The following DYNC2I2 variants were observed in gnomAD, a reference collection of about 807,000 sequenced individuals.
DYNC2I2 encodes the protein cytoplasmic dynein 2 intermediate chain 2.
A neutral mutation model predicts 52.0 loss-of-function variants in DYNC2I2; 39 were observed. That is an observed-to-expected ratio of 0.75 (90% CI 0.58 to 0.98). The LOEUF is 0.98. Ranked by LOEUF, DYNC2I2 falls within the 50% of genes least tolerant of loss-of-function variation. The pLI, the probability that DYNC2I2 is intolerant of heterozygous loss-of-function variation, is 0.00. For missense variants in DYNC2I2, 743 were observed against 728.4 expected (o/e 1.02, Z -0.23); for synonymous variants, 359 against 321.1 (o/e 1.12, Z -1.26).
At chr9:128,682,305 C>T in the DYNC2I2 span, among the ~76,000 whole-genome samples, 1 of 151,954 alleles carries the variant, frequency 6.6e-6, no homozygotes, top group African/African-American at 2.4e-5. Flanking sequence ...GCATCAGCCT[C>T]CCAAAGTGCT....
chr9:128,649,173 T>C (rs1301404158), intron 1 of DYNC2I2, among the ~76,000 whole-genome samples: 1 of 152,122 alleles, frequency 6.6e-6, no homozygotes, highest in South Asian at 2.1e-4. Context: ...GGGCCAGAGA[T>C]GGTGGTTCAC....
At position 128,634,568 on chromosome 9, in the gene DYNC2I2, CGGGTCTCAGAGT is replaced by C. The variant is rs559309409; in HGVS notation, c.1214+109_1214+120del. 4.8e-4 allele frequency: 623 copies of C among 1,295,730 alleles called. 4 individuals are homozygous for C. In the East Asian group the frequency reaches 9.9e-3, roughly 21 times the overall value. The allele number at this position is 1,295,730 out of a possible 1,614,324, so 80.3% of individuals were successfully genotyped here. ...GGGCCAACCACCAAAGACCTGAACA[CGGGTCTCAGAGT>C]GGGCAGAAGGCAAGCACTTGAAGCA... is the stretch of plus-strand genomic sequence containing the variant. On this transcript the variant is annotated intron_variant, in intron 7 of 8. Coordinates refer to ENST00000372715, the MANE Select transcript of DYNC2I2 (RefSeq NM_052844.4).
At chr9:128,674,433 C>T in the DYNC2I2 span, among the ~76,000 whole-genome samples, 8 of 151,226 alleles carry the variant, frequency 5.3e-5, no homozygotes, top group Non-Finnish European at 1.0e-4. Flanking sequence ...CATGCCTGGC[C>T]GTCTCTAGCT....
At chr9:128,662,593 T>A in the DYNC2I2 span, among the ~76,000 whole-genome samples, 8 of 151,402 alleles carry the variant, frequency 5.3e-5, no homozygotes, top group Non-Finnish European at 1.2e-4. Context: ...TTATTTATTT[T>A]TTTGCAGGCA....
intron 1 of DYNC2I2, among the ~76,000 whole-genome samples, chr9:128,654,522 C>G (rs943782361): frequency 2.6e-5 from 4 of 151,996 alleles, no homozygotes; most frequent in Non-Finnish European, 4.4e-5. Context: ...CCTGCCTCCT[C>G]AAACAGACAG....
At chr9:128,682,672 C>CTTTT in the DYNC2I2 span, among the ~76,000 whole-genome samples, 13 of 120,630 alleles carry the variant, frequency 1.1e-4, 1 homozygote, top group African/African-American at 2.1e-4. Context: ...GGGACCTTGT[C>CTTTT]TTTTTTTTTT....
the DYNC2I2 span, chr9:128,663,704 A>AATGCAGT: frequency 7.1e-6 from 1 of 140,500 alleles, no homozygotes; most frequent in East Asian, 2.1e-4. Flanking sequence ...CCCAAGCTGG[A>AATGCAGT]ATGCAGTGGC....
upstream of DYNC2I2, among the ~76,000 whole-genome samples, chr9:128,657,580 A>G (rs1169792184): frequency 2.0e-5 from 3 of 152,144 alleles, no homozygotes; most frequent in Admixed American, 2.0e-4. Flanking sequence ...AGGCAGGAGG[A>G]TCGCTTGAAG....
At chr9:128,667,673 GATTCTCCTGCCTCAGCTTCAC>G in the DYNC2I2 span, among the ~76,000 whole-genome samples, 2 of 151,656 alleles carry the variant, frequency 1.3e-5, no homozygotes, top group Non-Finnish European at 2.9e-5. Context: ...TGGTTCAAGT[GATTCTCCTGCCTCAGCTTCAC>G]GAGTTGCTGG....
chr9:128,635,371 C>T, intron 5 of DYNC2I2, 112 bp from the exon 6 acceptor site: 1 of 1,353,446 alleles, frequency 7.4e-7, no homozygotes, highest in Non-Finnish European at 9.9e-7. Context: ...CTCCGGGAGG[C>T]CCCAGAACCA....
intron 1 of DYNC2I2, chr9:128,652,039 C>G (rs1860725095): frequency 6.6e-6 from 1 of 152,542 alleles, no homozygotes; most frequent in Non-Finnish European, 1.5e-5. Context: ...CCAGGTGACC[C>G]GAAGTACTGA....
At chr9:128,645,454 A>C (rs919827287) in intron 1 of DYNC2I2, among the ~76,000 whole-genome samples, 2 of 150,318 alleles carry the variant, frequency 1.3e-5, no homozygotes, top group Admixed American at 6.7e-5. Context: ...TCTGTCTCAA[A>C]AAAAAAAAAA....
At chr9:128,653,387 G>T (rs1375762374) in intron 1 of DYNC2I2, among the ~76,000 whole-genome samples, 1 of 150,332 alleles carries the variant, frequency 6.7e-6, no homozygotes, top group African/African-American at 2.5e-5. Flanking sequence ...AAACCAACCT[G>T]GCCAATATGG....
At chr9:128,656,408 A>T (rs1337450273) in intron 1 of DYNC2I2, 133 bp downstream of exon 1, 2 of 640,632 alleles carry the variant, frequency 3.1e-6, no homozygotes, top group African/African-American at 3.1e-5. Context: ...GGACGCCCGA[A>T]CCCGCCCGGC....
rs766298337 is a variant in DYNC2I2, at chr9:128,636,873, T to A, written c.545+45A>T. 53 of 1,467,012 alleles carry A rather than the reference T, an allele frequency of 3.6e-5. 1 individual carries two copies. The highest frequency in any genetic ancestry group is 3.3e-4 in the African/African-American group (24 of 72,014). The allele number at this position is 1,467,012 out of a possible 1,614,324, so 90.9% of individuals were successfully genotyped here. On this transcript the variant is annotated intron_variant, in intron 3 of 8. Coordinates refer to ENST00000372715, the MANE Select transcript of DYNC2I2 (RefSeq NM_052844.4). ...CTACAGAGACAAGGCCCAAGGAGGG[T>A]CCTGGGGTGGCGAGCTGCCCCTCAC...
intron 5 of DYNC2I2, 50 bp downstream of exon 5, chr9:128,635,608 T>C: frequency 6.6e-7 from 1 of 1,515,850 alleles, no homozygotes; most frequent in Non-Finnish European, 9.0e-7. Context: ...GGGCGCCCTC[T>C]CCCCAGCTCT....
At chr9:128,680,268 C>T in the DYNC2I2 span, among the ~76,000 whole-genome samples, 22 of 151,970 alleles carry the variant, frequency 1.4e-4, no homozygotes, top group African/African-American at 5.1e-4. Context: ...GCCATGTTGG[C>T]CTAGCTGGTC....
At chr9:128,635,899 T>C in intron 4 of DYNC2I2, 132 bp from the exon 5 acceptor site, 2 of 830,422 alleles carry the variant, frequency 2.4e-6, no homozygotes, top group Non-Finnish European at 3.9e-6. Context: ...CTGGAAGTCA[T>C]CCCCACAGAG....
intron 1 of DYNC2I2, among the ~76,000 whole-genome samples, chr9:128,642,614 C>CA (rs984581277): frequency 1.3e-5 from 2 of 151,262 alleles, no homozygotes; most frequent in South Asian, 2.1e-4. Flanking sequence ...ACTAAAAATA[C>CA]AAAAAAATTA....
Sources: allele counts gnomAD v4.1 joint callset (sites outside exome capture counted in the v4.1 genomes callset), GRCh38; gene constraint gnomAD v4.1.1; transcripts MANE v1.5; gene names NCBI Gene and HGNC (gene_info 2026-07-23, HGNC 2026-07-21).